PHACTR2: variants seen among roughly 807,000 people sequenced by gnomAD.
PHACTR2 encodes chromosome 6 open reading frame 56.
PHACTR2 carries 30 observed loss-of-function variants against 76.0 expected under a neutral mutation model. The observed-to-expected ratio is 0.39, with a 90% confidence interval of 0.30 to 0.54. PHACTR2 has a LOEUF of 0.54. Ranked by LOEUF, PHACTR2 falls within the 20% of genes least tolerant of loss-of-function variation. The pLI is 0.61. For synonymous variants in PHACTR2, 292 were observed against 292.5 expected, an observed-to-expected ratio of 1.00 and a Z score of 0.02; for missense variants, 696 against 781.1, an observed-to-expected ratio of 0.89 and a Z score of 1.30.
At position 143,829,937 on chromosome 6, in the gene PHACTR2, T is replaced by C. The variant is rs1220634736; in HGVS notation, c.*6248T>C. On this transcript the variant is annotated 3_prime_UTR_variant, in exon 13 of 13. Transcript: ENST00000440869. Reference sequence around the variant, plus strand: ...CCACTCTACCCTCAGGTCAATTTTATGGTATATGAAAATGCCAGTAATATT... The same window carrying C: ...CCACTCTACCCTCAGGTCAATTTTACGGTATATGAAAATGCCAGTAATATT... 1 of 152,220 alleles carries C rather than the reference T, an allele frequency of 6.6e-6. No individual in the cohort carries two copies. The highest frequency in any genetic ancestry group is 1.5e-5 in the Non-Finnish European group (1 of 68,040). The allele number at this position is 152,220 out of a possible 1,614,324, so 9.4% of individuals were successfully genotyped here.
intron 11 of PHACTR2, among the ~76,000 whole-genome samples, chr6:143,792,808 T>C (rs1366763323): frequency 6.6e-6 from 1 of 152,164 alleles, no homozygotes; most frequent in African/African-American, 2.4e-5. Flanking sequence ...TCTTACTTGG[T>C]GGCTCAGCAA....
intron 1 of PHACTR2, among the ~76,000 whole-genome samples, chr6:143,622,234 C>A (rs1027904504): frequency 6.6e-6 from 1 of 152,090 alleles, no homozygotes; most frequent in Non-Finnish European, 1.5e-5. Context: ...CCTGCCCAAA[C>A]CTCAGGATAA....
intron 2 of PHACTR2, among the ~76,000 whole-genome samples, chr6:143,717,002 C>A (rs893036716): frequency 1.3e-5 from 2 of 152,184 alleles, no homozygotes; most frequent in Non-Finnish European, 2.9e-5. Flanking sequence ...CCTGTCACTT[C>A]TTGCTCAAAA....
At position 143,557,202 on chromosome 6, in the gene PHACTR2, A is replaced by G. The variant is rs758605279; in HGVS notation, c.217+19995A>G. ...CAAGTAAGTTACTTTAATCATCATC[A>G]TCACTAGTATTGCAGAGAAGTTTAA... On this transcript the variant is annotated intron_variant, in intron 1 of 11. Coordinates refer to the PHACTR2 transcript ENST00000367584. The surrounding 1 kb of genome is among the most constrained non-coding windows in gnomAD (Gnocchi z 5.5). Among the ~76,000 whole-genome samples the G allele has an allele frequency of 2.0e-5, 3 of 152,218 alleles. No individual in the cohort carries two copies. The highest frequency in any genetic ancestry group is 4.8e-5 in the African/African-American group (2 of 41,452).
rs1184703262 is a variant in PHACTR2, at chr6:143,648,808, CTA to C, written c.13+40488_13+40489del. Among the ~76,000 whole-genome samples the C allele has an allele frequency of 6.6e-6, 1 of 151,272 alleles. No homozygotes were observed. The highest frequency in any genetic ancestry group is 2.4e-5 in the African/African-American group (1 of 41,108). On this transcript the variant is annotated intron_variant, in intron 1 of 11. Coordinates refer to the PHACTR2 transcript ENST00000305766. This position sits in a 1 kb window ranked among gnomAD's most constrained non-coding sequence, Gnocchi z 6.7. ...TGTCTCTGTGTGTGTCTGTGTATGTCTATGTGTATATCTGTGTGTATACAAGT... is the reference window on the plus strand; with the variant it reads ...TGTCTCTGTGTGTGTCTGTGTATGTCTGTGTATATCTGTGTGTATACAAGT...
Position 143,621,288 on chromosome 6 carries a change from A to G in PHACTR2, c.13+12966A>G, listed in dbSNP as rs996717431. ...CACAGGTTTCATTCTGGCTTCTTCA[A>G]TTTGGTGTGAATTGACAACAAAGAA... On this transcript the variant is annotated intron_variant, in intron 1 of 11. Transcript: ENST00000305766. The surrounding 1 kb of genome is among the most constrained non-coding windows in gnomAD (Gnocchi z 4.1). Among the ~76,000 whole-genome samples the G allele has an allele frequency of 1.3e-5, 2 of 152,192 alleles. No individual in the cohort carries two copies. Among genetic ancestry groups the G allele is most frequent in the Non-Finnish European group, 2.9e-5 (2 of 68,020 alleles).
At chr6:143,538,156 G>A (rs1372260908) in intron 1 of PHACTR2, among the ~76,000 whole-genome samples, 4 of 152,070 alleles carry the variant, frequency 2.6e-5, no homozygotes, top group African/African-American at 9.7e-5. Context: ...CGGTAGCACC[G>A]GCCCATGTGT....
chr6:143,745,718 T>A (rs1180090767), intron 2 of PHACTR2, among the ~76,000 whole-genome samples: 8 of 125,166 alleles, frequency 6.4e-5, no homozygotes, highest in Admixed American at 6.3e-4. Flanking sequence ...CTCGGTCGCC[T>A]GCAGTTTGTT....
At chr6:143,603,779 T>TA (rs893761610), upstream of PHACTR2, among the ~76,000 whole-genome samples, 1 of 152,198 alleles carries the variant, frequency 6.6e-6, no homozygotes, top group African/African-American at 2.4e-5. Context: ...GCTGTATTTG[T>TA]AAAAGCAGTG....
intron 1 of PHACTR2, among the ~76,000 whole-genome samples, chr6:143,666,059 G>T (rs1582750084): frequency 6.6e-6 from 1 of 151,148 alleles, no homozygotes; most frequent in East Asian, 2.0e-4. Flanking sequence ...CCCAGTGTGT[G>T]ATGTTCCCCT....
intron 1 of PHACTR2, among the ~76,000 whole-genome samples, chr6:143,694,835 G>A (rs1220590682): frequency 6.6e-6 from 1 of 152,188 alleles, no homozygotes; most frequent in Non-Finnish European, 1.5e-5. Flanking sequence ...AAACCACCTA[G>A]CAGGCTTCCA....
chr6:143,818,304 A>G lies in PHACTR2; in HGVS notation c.1923-5370A>G, dbSNP rs1292172031. 1.3e-5 allele frequency among the ~76,000 whole-genome samples: 2 copies of G among 152,176 alleles called. No individual in the cohort carries two copies. Among genetic ancestry groups the G allele is most frequent in the African/African-American group, 2.4e-5 (1 of 41,434 alleles). On this transcript the variant is annotated intron_variant, in intron 12 of 12. Transcript: ENST00000440869. This position sits in a 1 kb window ranked among gnomAD's most constrained non-coding sequence, Gnocchi z 4.9. Reference sequence around the variant, plus strand: ...TCTCATACTGAAATGTAGGTTAGGAAGACAGTCTGGAGCATAGCGCGTCCA... The same window carrying G: ...TCTCATACTGAAATGTAGGTTAGGAGGACAGTCTGGAGCATAGCGCGTCCA...
In PHACTR2 at chr6:143,554,007, A is replaced by G. The variant is rs193097537; in HGVS notation, c.217+16800A>G. On this transcript the variant is annotated intron_variant, in intron 1 of 11. Transcript: ENST00000367584. This position sits in a 1 kb window ranked among gnomAD's most constrained non-coding sequence, Gnocchi z 5.9. ...ATCCCGGGTTGGGCCCCTGTAGACC[A>G]CCGCAATGACGTTGACATTTTCTCT... Among the ~76,000 whole-genome samples, 2 of 152,298 alleles carry G rather than the reference A, an allele frequency of 1.3e-5. No individual in the cohort carries two copies. Among genetic ancestry groups the G allele is most frequent in the East Asian group, 3.9e-4 (2 of 5,170 alleles).
At chr6:143,692,600 C>G (rs1777671537) in intron 1 of PHACTR2, among the ~76,000 whole-genome samples, 1 of 152,150 alleles carries the variant, frequency 6.6e-6, no homozygotes, top group African/African-American at 2.4e-5. Flanking sequence ...CTTCAGTCAT[C>G]CAACCACAGA....
chr6:143,590,496 T>C (rs1468345479), intron 1 of PHACTR2, among the ~76,000 whole-genome samples: 1 of 151,984 alleles, frequency 6.6e-6, no homozygotes, highest in Non-Finnish European at 1.5e-5. Context: ...CCATGCTGTT[T>C]ACATGACTTA....
At chr6:143,560,110 G>A (rs1021574309) in intron 1 of PHACTR2, among the ~76,000 whole-genome samples, 2 of 152,048 alleles carry the variant, frequency 1.3e-5, no homozygotes, top group Non-Finnish European at 1.5e-5. Context: ...GAGTTGTTTC[G>A]GGAAAACAGA....
At position 143,783,118 on chromosome 6, in the gene PHACTR2, C is replaced by A; in HGVS notation, c.1646-101C>A. The A allele has an allele frequency of 3.1e-6, 2 of 641,398 alleles. No homozygotes were observed. The highest frequency in any genetic ancestry group is 5.6e-6 in the Non-Finnish European group (2 of 357,736). The allele number at this position is 641,398 out of a possible 1,614,324, so 39.7% of individuals were successfully genotyped here. On this transcript the variant is annotated intron_variant, in intron 9 of 12. Coordinates refer to ENST00000440869, the MANE Select transcript of PHACTR2 (RefSeq NM_001100164.2). This position sits in a 1 kb window ranked among gnomAD's most constrained non-coding sequence, Gnocchi z 5.2. ...TAACAATGTTGGTTGTGTGTTTGAT[C>A]ATTATTTGTTAGAGTCACATGATCG...
In PHACTR2 at chr6:143,777,198, T is replaced by C. The variant is rs575051818; in HGVS notation, c.1590-130T>C. On this transcript the variant is annotated intron_variant, in intron 8 of 12. Transcript: ENST00000440869. The surrounding 1 kb of genome is among the most constrained non-coding windows in gnomAD (Gnocchi z 4.6). ...CTCCAAACTAATGGGAAGGAGACTTTTATTTTGCAGCTTTAAAAATGGATT... is the reference window on the plus strand; with the variant it reads ...CTCCAAACTAATGGGAAGGAGACTTCTATTTTGCAGCTTTAAAAATGGATT... 6 of 560,710 alleles carry C rather than the reference T, an allele frequency of 1.1e-5. No individual in the cohort carries two copies. In the South Asian group the frequency reaches 1.5e-4, roughly 14 times the overall value. The allele number at this position is 560,710 out of a possible 1,614,324, so 34.7% of individuals were successfully genotyped here.
chr6:143,725,489 C>T (rs377752103), intron 2 of PHACTR2, among the ~76,000 whole-genome samples: 1,880 of 80,452 alleles, frequency 0.023, 39 homozygotes, highest in African/African-American at 0.11. Flanking sequence ...CGTGAGCCAC[C>T]GCGCCCGGCC....
Sources: allele counts gnomAD v4.1 joint callset (sites outside exome capture counted in the v4.1 genomes callset), GRCh38; gene constraint gnomAD v4.1.1; non-coding constraint Gnocchi (gnomAD v3.1); transcripts MANE v1.5; gene names NCBI Gene and HGNC (gene_info 2026-07-23, HGNC 2026-07-21).